Variants in GRIK2 observed in about 807,000 individuals in gnomAD.
The protein encoded by GRIK2 is glutamate ionotropic receptor kainate type subunit 2.
In GRIK2, 32 loss-of-function variants were observed where a neutral mutation model predicts 100.3. The ratio of observed to expected loss-of-function variants is 0.32; its 90% CI spans 0.24 to 0.43. The LOEUF (loss-of-function observed/expected upper bound fraction) is 0.43, where lower values mean the gene tolerates loss of function less well. Among genes scored for constraint, GRIK2 ranks in the 20% least tolerant of loss-of-function variants. GRIK2 has a pLI of 1.00. For missense variants in GRIK2, 843 were observed against 1,114.9 expected, an observed-to-expected ratio of 0.76 and a Z score of 3.47; for synonymous variants, 417 against 389.4, an observed-to-expected ratio of 1.07 and a Z score of -0.83.
At chr6:101,906,972 C>A (rs1788275060) in intron 12 of GRIK2, among the ~76,000 whole-genome samples, 1 of 151,670 alleles carries the variant, frequency 6.6e-6, no homozygotes, top group African/African-American at 2.4e-5. Context: ...TTTTGAATAA[C>A]ATGGTAAAAT....
intron 14 of GRIK2, among the ~76,000 whole-genome samples, chr6:101,966,582 A>C (rs1435425753): frequency 1.3e-5 from 2 of 152,140 alleles, no homozygotes; most frequent in East Asian, 3.9e-4. Context: ...GTTTCCCCTG[A>C]GCACATAATG....
chr6:101,869,679 GA>G (rs1230114273), intron 11 of GRIK2, among the ~76,000 whole-genome samples: 1 of 151,714 alleles, frequency 6.6e-6, no homozygotes, highest in African/African-American at 2.4e-5. Context: ...GGCTTTTGAG[GA>G]AAAAAGGGCT....
At chr6:101,618,792 TATATGTTATG>T (rs1271921983) in intron 2 of GRIK2, among the ~76,000 whole-genome samples, 1 of 151,516 alleles carries the variant, frequency 6.6e-6, no homozygotes, top group Admixed American at 6.6e-5. Flanking sequence ...ATCTCTTCTC[TATATGTTATG>T]AAATGAAAAT....
chr6:101,747,070 C>T (rs760771504), intron 7 of GRIK2, among the ~76,000 whole-genome samples: 8 of 152,122 alleles, frequency 5.3e-5, no homozygotes, highest in Non-Finnish European at 1.2e-4. Flanking sequence ...ATAAGTCTTC[C>T]GTGTCCCTTT....
intron 14 of GRIK2, among the ~76,000 whole-genome samples, chr6:101,961,908 G>A (rs190298768): frequency 1.3e-4 from 20 of 152,242 alleles, no homozygotes; most frequent in African/African-American, 4.3e-4. Flanking sequence ...TCCACAATAT[G>A]TGCCCAACTG....
At chr6:102,002,379 T>TTA (rs942060908) in intron 14 of GRIK2, among the ~76,000 whole-genome samples, 21 of 148,044 alleles carry the variant, frequency 1.4e-4, no homozygotes, top group Admixed American at 6.1e-4. Flanking sequence ...TATATTTATG[T>TTA]TATATATATG....
intron 2 of GRIK2, among the ~76,000 whole-genome samples, chr6:101,470,588 C>T (rs1771892806): frequency 6.6e-6 from 1 of 152,106 alleles, no homozygotes; most frequent in South Asian, 2.1e-4. Context: ...AACTCTCTCT[C>T]TTCCTTCCTA....
At chr6:101,394,289 T>C (rs2852501) in intron 1 of GRIK2, among the ~76,000 whole-genome samples, 37,906 of 152,100 alleles carry the variant, frequency 0.25, 5,279 homozygotes, top group African/African-American at 0.36. Flanking sequence ...TGAGGAAGTA[T>C]ATTTATTTTA....
At chr6:101,672,217 A>G (rs1224543942) in intron 4 of GRIK2, among the ~76,000 whole-genome samples, 1 of 152,174 alleles carries the variant, frequency 6.6e-6, no homozygotes, top group East Asian at 1.9e-4. Context: ...CTGGAACAGC[A>G]ATGATCTTGT....
intron 14 of GRIK2, among the ~76,000 whole-genome samples, chr6:102,018,419 C>T (rs1359572948): frequency 1.3e-5 from 2 of 152,080 alleles, no homozygotes; most frequent in African/African-American, 4.8e-5. Flanking sequence ...AGAATTTCTC[C>T]TGAGGACTGG....
intron 14 of GRIK2, among the ~76,000 whole-genome samples, chr6:102,000,490 T>C (rs1256616532): frequency 6.6e-6 from 1 of 151,968 alleles, no homozygotes; most frequent in Non-Finnish European, 1.5e-5. Flanking sequence ...TGCTCAATGG[T>C]TAGTTTTCAC....
At chr6:101,437,900 T>C (rs1399732298) in intron 2 of GRIK2, among the ~76,000 whole-genome samples, 1 of 152,128 alleles carries the variant, frequency 6.6e-6, no homozygotes, top group Admixed American at 6.6e-5. Flanking sequence ...GATGATCTTA[T>C]GCTTTAATTG....
At chr6:101,646,653 T>A (rs1372436239) in intron 4 of GRIK2, among the ~76,000 whole-genome samples, 3 of 152,022 alleles carry the variant, frequency 2.0e-5, no homozygotes, top group Non-Finnish European at 4.4e-5. Context: ...ATTCTTCCTC[T>A]ACATTTCAAA....
intron 2 of GRIK2, among the ~76,000 whole-genome samples, chr6:101,501,550 A>T (rs183838713): frequency 6.6e-6 from 1 of 152,252 alleles, no homozygotes; most frequent in Admixed American, 6.5e-5. Context: ...ATGTATTCTG[A>T]TGGGCTTTAC....
intron 4 of GRIK2, among the ~76,000 whole-genome samples, chr6:101,672,788 T>C (rs1035939746): frequency 1.3e-5 from 2 of 152,214 alleles, no homozygotes; most frequent in Non-Finnish European, 2.9e-5. Flanking sequence ...CTCATTTTTA[T>C]GGCTGTGTAG....
In GRIK2 at chr6:101,413,398, A is replaced by C. The variant is rs1250032421; in HGVS notation, c.115+14006A>C. 2.6e-5 allele frequency among the ~76,000 whole-genome samples: 4 copies of C among 152,100 alleles called. No homozygotes were observed. The East Asian group carries it at 7.7e-4, about 29-fold the overall frequency. On this transcript the variant is annotated intron_variant, in intron 2 of 16. Coordinates refer to ENST00000369134, the MANE Select transcript of GRIK2 (RefSeq NM_021956.5). The stretch of plus-strand genomic sequence containing the variant: ...CTGAAAGTTTCCTATTAACTCTTTC[A>C]ATTTCATTTCCATTTTCTATTTAAA...
At chr6:101,543,061 C>G (rs1465423139) in intron 2 of GRIK2, among the ~76,000 whole-genome samples, 1 of 151,946 alleles carries the variant, frequency 6.6e-6, no homozygotes, top group Non-Finnish European at 1.5e-5. Context: ...GTAATATATG[C>G]TTAGGAACAC....
At position 101,503,314 on chromosome 6, in the gene GRIK2, A is replaced by T. The variant is rs182496274; in HGVS notation, c.115+103922A>T. On this transcript the variant is annotated intron_variant, in intron 2 of 16. Transcript: ENST00000369134. ...TGATGAGCAGGAGGTGAGAGCACAG[A>T]TAGTGTAGACTACTCCTTTTCAAGA... is the stretch of plus-strand genomic sequence containing the variant. Among the ~76,000 whole-genome samples the T allele has an allele frequency of 4.9e-4, 74 of 152,304 alleles. No individual in the cohort carries two copies. In the Middle Eastern group the frequency reaches 0.01, roughly 21 times the overall value.
At chr6:102,039,865 C>T (rs1197650349) in intron 15 of GRIK2, among the ~76,000 whole-genome samples, 3 of 151,484 alleles carry the variant, frequency 2.0e-5, no homozygotes, top group African/African-American at 7.3e-5. Context: ...CTATGTTTAG[C>T]AATGAGTTAG....
Sources: gnomAD v4.1 joint callset for allele counts (sites outside exome capture counted in the v4.1 genomes callset) on GRCh38, gnomAD v4.1.1 for gene constraint, MANE v1.5 for transcripts, NCBI Gene and HGNC (gene_info 2026-07-23, HGNC 2026-07-21) for gene names.